The following SPMIP2 variants were observed in gnomAD, a reference collection of about 807,000 sequenced individuals.
SPMIP2 encodes protein SPMIP2.
the SPMIP2 span, chr4:158,907,564 A>ATAAT: frequency 6.6e-6 from 1 of 152,226 alleles, no homozygotes; most frequent in Non-Finnish European, 1.5e-5. Flanking sequence ...GTACATAAAA[A>ATAAT]TAATAAAGAA....
the SPMIP2 span, among the ~76,000 whole-genome samples, chr4:158,943,804 T>TA: frequency 2.7e-5 from 4 of 147,788 alleles, no homozygotes; most frequent in South Asian, 2.2e-4. Context: ...TCTTGAATCC[T>TA]AAAAAAATCC....
chr4:159,037,444 CTT>C, the SPMIP2 span, among the ~76,000 whole-genome samples: 10 of 143,800 alleles, frequency 7.0e-5, no homozygotes, highest in Admixed American at 1.4e-4. Context: ...CTGTTCCTTC[CTT>C]TTTTTTTTTT....
the SPMIP2 span, among the ~76,000 whole-genome samples, chr4:158,919,216 T>C: frequency 1.3e-5 from 2 of 151,768 alleles, no homozygotes; most frequent in Admixed American, 6.6e-5. Flanking sequence ...GCAGAGAAAA[T>C]GGGAAAATTA....
chr4:159,051,944 C>G, the SPMIP2 span, among the ~76,000 whole-genome samples: 1 of 152,110 alleles, frequency 6.6e-6, no homozygotes, highest in Non-Finnish European at 1.5e-5. Context: ...CCCCCTCCTT[C>G]CTTGCTCTTC....
chr4:158,966,264 C>T, the SPMIP2 span, among the ~76,000 whole-genome samples: 1 of 152,164 alleles, frequency 6.6e-6, no homozygotes, highest in Admixed American at 6.5e-5. Flanking sequence ...GCTATGCATG[C>T]TATGCATTTT....
chr4:159,071,710 T>G, the SPMIP2 span, among the ~76,000 whole-genome samples: 1 of 152,132 alleles, frequency 6.6e-6, no homozygotes, highest in Non-Finnish European at 1.5e-5. Flanking sequence ...GGGAAAGAAT[T>G]CTTTTTTCCT....
chr4:159,080,282 TCA>T, the SPMIP2 span, among the ~76,000 whole-genome samples: 1 of 152,138 alleles, frequency 6.6e-6, no homozygotes, highest in Non-Finnish European at 1.5e-5. Flanking sequence ...AATGGCACAA[TCA>T]CGGCTCACTG....
At chr4:158,939,154 AG>A in the SPMIP2 span, among the ~76,000 whole-genome samples, 1 of 152,198 alleles carries the variant, frequency 6.6e-6, no homozygotes, top group African/African-American at 2.4e-5. Flanking sequence ...TAGCAATTGG[AG>A]TGAAGGTTCT....
the SPMIP2 span, among the ~76,000 whole-genome samples, chr4:158,989,940 C>T: frequency 6.6e-6 from 1 of 152,178 alleles, no homozygotes; most frequent in Non-Finnish European, 1.5e-5. Flanking sequence ...TCAGAGTGAA[C>T]AGGCAACCTA....
At chr4:158,972,942 T>A in the SPMIP2 span, 1 of 631,726 alleles carries the variant, frequency 1.6e-6, no homozygotes, top group Non-Finnish European at 2.7e-6. Context: ...TTCACACATG[T>A]GTCTTTCTGC....
the SPMIP2 span, among the ~76,000 whole-genome samples, chr4:159,069,158 C>T: frequency 1.3e-5 from 2 of 152,008 alleles, no homozygotes; most frequent in Non-Finnish European, 2.9e-5. Flanking sequence ...CAAAAATTAG[C>T]CAGGCGTGGT....
the SPMIP2 span, among the ~76,000 whole-genome samples, chr4:158,959,556 A>G: frequency 6.6e-6 from 1 of 152,142 alleles, no homozygotes; most frequent in Non-Finnish European, 1.5e-5. Flanking sequence ...AAATCCAGTG[A>G]TTTTGCATAT....
chr4:158,989,895 A>G, the SPMIP2 span, among the ~76,000 whole-genome samples: 1 of 152,208 alleles, frequency 6.6e-6, no homozygotes, highest in South Asian at 2.1e-4. Flanking sequence ...ATCTAATTAA[A>G]CTAAAGAGCT....
chr4:158,971,975 G>T, the SPMIP2 span, among the ~76,000 whole-genome samples: 23 of 152,202 alleles, frequency 1.5e-4, no homozygotes, highest in African/African-American at 5.5e-4. Flanking sequence ...GAACTGATTT[G>T]CCCAAGGTCA....
chr4:158,993,449 G>A, the SPMIP2 span, among the ~76,000 whole-genome samples: 1 of 151,942 alleles, frequency 6.6e-6, no homozygotes, highest in African/African-American at 2.4e-5. Flanking sequence ...CATCCCTGAA[G>A]CAAATGTGTC....
chr4:158,974,569 G>A, the SPMIP2 span, among the ~76,000 whole-genome samples: 1 of 151,732 alleles, frequency 6.6e-6, no homozygotes, highest in Non-Finnish European at 1.5e-5. Flanking sequence ...TTGGCTTTCT[G>A]TTCCTGAGTT....
the SPMIP2 span, among the ~76,000 whole-genome samples, chr4:158,993,919 T>C: frequency 1.3e-5 from 2 of 152,250 alleles, no homozygotes; most frequent in Admixed American, 1.3e-4. Flanking sequence ...TTCAGATTTC[T>C]CAGGATTGAA....
the SPMIP2 span, among the ~76,000 whole-genome samples, chr4:158,997,845 G>A: frequency 2.0e-5 from 3 of 152,006 alleles, no homozygotes; most frequent in African/African-American, 7.2e-5. Flanking sequence ...TGGTAGATAT[G>A]AGGGTCTTAC....
chr4:158,937,810 C>T, the SPMIP2 span, among the ~76,000 whole-genome samples: 1 of 152,184 alleles, frequency 6.6e-6, no homozygotes, highest in Admixed American at 6.5e-5. Flanking sequence ...TAAACAATAA[C>T]TGATTTACGG....
Sources: allele counts gnomAD v4.1 joint callset (sites outside exome capture counted in the v4.1 genomes callset), GRCh38; gene constraint gnomAD v4.1.1; transcripts MANE v1.5; gene names NCBI Gene and HGNC (gene_info 2026-07-23, HGNC 2026-07-21).